CSMD1: variants seen among roughly 807,000 people sequenced by gnomAD.
CSMD1 encodes the protein CUB and Sushi multiple domains 1.
In CSMD1, 213 loss-of-function variants were observed where a neutral mutation model predicts 417.5. That is an observed-to-expected ratio of 0.51 (90% CI 0.46 to 0.57). CSMD1 has a LOEUF of 0.57. Ranked by LOEUF, CSMD1 falls within the 20% of genes least tolerant of loss-of-function variation. The pLI, the probability that CSMD1 is intolerant of heterozygous loss-of-function variation, is 0.00. For synonymous variants in CSMD1, 2,862 were observed against 1,736.8 expected (o/e 1.65, Z -16.11); for missense variants, 6,923 against 4,529.7 (o/e 1.53, Z -15.17).
At chr8:4,167,866 G>A (rs913589372) in intron 3 of CSMD1, among the ~76,000 whole-genome samples, 3 of 152,048 alleles carry the variant, frequency 2.0e-5, no homozygotes, top group African/African-American at 7.2e-5. Flanking sequence ...GATGGCTTAG[G>A]CCTGTAATCT....
chr8:3,293,320 C>T (rs948970130), intron 25 of CSMD1, among the ~76,000 whole-genome samples: 5 of 152,020 alleles, frequency 3.3e-5, no homozygotes, highest in East Asian at 1.9e-4. Context: ...TTGCTCTTCT[C>T]GAGGAGTATC....
intron 3 of CSMD1, among the ~76,000 whole-genome samples, chr8:4,209,114 G>A (rs1042088941): frequency 1.2e-4 from 19 of 152,226 alleles, no homozygotes; most frequent in African/African-American, 3.4e-4. Flanking sequence ...GATTTACAGT[G>A]TTAACACATC....
chr8:3,727,406 T>G (rs1585141538), intron 6 of CSMD1, among the ~76,000 whole-genome samples: 1 of 152,164 alleles, frequency 6.6e-6, no homozygotes, highest in Non-Finnish European at 1.5e-5. Context: ...AGTGGATACC[T>G]CAGCTCAGAT....
intron 3 of CSMD1, among the ~76,000 whole-genome samples, chr8:4,232,012 G>A (rs1039600450): frequency 5.3e-5 from 8 of 152,216 alleles, no homozygotes; most frequent in African/African-American, 1.9e-4. Flanking sequence ...ATCGACATAG[G>A]ACGTAAGTAT....
Position 3,000,095 on chromosome 8 carries a change from C to T in CSMD1, c.8066G>A (p.Gly2689Asp), listed in dbSNP as rs897137505. Residue 2689 changes from glycine to aspartate, a missense_variant, in exon 53 of 70, where the codon GGT (glycine) becomes GAT (aspartate). Transcript: ENST00000635120. The stretch of plus-strand genomic sequence containing the variant: ...ACTGAAGCCATCTCCACTAATGTGA[C>T]CGTTCACAATCGGGTCTGGGGAACC... ...HCGSPDPIVNGHISGDGFSYR... is the reference protein window; with the variant it reads ...HCGSPDPIVNDHISGDGFSYR... The T allele has an allele frequency of 6.3e-7, 1 of 1,576,748 alleles. No individual in the cohort carries two copies. The highest frequency in any genetic ancestry group is 8.6e-7 in the Non-Finnish European group (1 of 1,161,410).
At chr8:4,027,551 C>T (rs558518197) in intron 4 of CSMD1, among the ~76,000 whole-genome samples, 2 of 152,222 alleles carry the variant, frequency 1.3e-5, no homozygotes, top group East Asian at 1.9e-4. Flanking sequence ...CCTGTGAAAA[C>T]GTGCCTTCCA....
At chr8:4,785,033 C>G (rs555538586) in intron 1 of CSMD1, among the ~76,000 whole-genome samples, 1 of 152,262 alleles carries the variant, frequency 6.6e-6, no homozygotes, top group East Asian at 1.9e-4. Context: ...GTTCTGGGCA[C>G]TGAATTATTA....
intron 2 of CSMD1, among the ~76,000 whole-genome samples, chr8:4,489,268 A>G (rs1374948218): frequency 1.3e-5 from 2 of 152,228 alleles, no homozygotes; most frequent in Non-Finnish European, 2.9e-5. Context: ...TCTAAGAATA[A>G]GCAAGGAGCT....
At chr8:3,504,248 T>G (rs1379276295) in intron 10 of CSMD1, among the ~76,000 whole-genome samples, 3 of 76,298 alleles carry the variant, frequency 3.9e-5, no homozygotes, top group African/African-American at 1.5e-4. Context: ...AACAATTTCT[T>G]TAAAAAAACA....
chr8:4,902,035 T>G (rs1055564421), intron 1 of CSMD1, among the ~76,000 whole-genome samples: 1 of 152,192 alleles, frequency 6.6e-6, no homozygotes, highest in South Asian at 2.1e-4. Context: ...GCAAACATAC[T>G]GTGGCTTTGG....
rs77652019 is a variant in CSMD1 at position 3,110,361 on chromosome 8, A to G, written c.6431-26T>C. On this transcript the variant is annotated intron_variant, in intron 42 of 69. Coordinates refer to ENST00000635120, the MANE Select transcript of CSMD1 (RefSeq NM_033225.6). ...CTGCAAAGGAAACCAAGAAAAAACA[A>G]GCGCCATACAGCTGATTTTAGAGAG... The G allele has an allele frequency of 8.3e-3, 12,936 of 1,555,548 alleles. 72 individuals are homozygous for G. The highest frequency in any genetic ancestry group is 9.9e-3 in the Non-Finnish European group (11,354 of 1,151,824).
intron 1 of CSMD1, among the ~76,000 whole-genome samples, chr8:4,839,353 C>G (rs1349081862): frequency 1.3e-5 from 2 of 152,244 alleles, no homozygotes; most frequent in Non-Finnish European, 2.9e-5. Flanking sequence ...TACAACCAAG[C>G]AAATATATTT....
chr8:4,244,110 T>A (rs1220188059), intron 3 of CSMD1, among the ~76,000 whole-genome samples: 2 of 152,140 alleles, frequency 1.3e-5, no homozygotes, highest in Admixed American at 6.6e-5. Context: ...GACTACTGGG[T>A]GCTGTGCGGA....
At chr8:3,537,702 A>G (rs1158411975) in intron 10 of CSMD1, among the ~76,000 whole-genome samples, 3 of 152,350 alleles carry the variant, frequency 2.0e-5, no homozygotes, top group African/African-American at 7.2e-5. Flanking sequence ...TGCAAAAATC[A>G]TATATCACTT....
intron 52 of CSMD1, among the ~76,000 whole-genome samples, chr8:3,015,327 C>A (rs1808743823): frequency 6.6e-6 from 1 of 152,060 alleles, no homozygotes; most frequent in African/African-American, 2.4e-5. Context: ...GAATTTCTTG[C>A]AGAAAATCTG....
At chr8:4,649,107 C>A (rs556786693) in intron 1 of CSMD1, among the ~76,000 whole-genome samples, 3 of 152,256 alleles carry the variant, frequency 2.0e-5, no homozygotes, top group African/African-American at 7.2e-5. Flanking sequence ...CATTGATACA[C>A]CTGTCATTAT....
intron 12 of CSMD1, among the ~76,000 whole-genome samples, chr8:3,460,660 C>G (rs6981833): frequency 6.6e-6 from 1 of 151,866 alleles, no homozygotes; most frequent in Non-Finnish European, 1.5e-5. Flanking sequence ...CGGAACTGAC[C>G]GAAATTCGTG....
intron 3 of CSMD1, among the ~76,000 whole-genome samples, chr8:4,322,321 A>AC (rs1563451847): frequency 6.9e-6 from 1 of 144,898 alleles, no homozygotes; most frequent in Non-Finnish European, 1.5e-5. Flanking sequence ...TGAAGAGAGT[A>AC]CTTTTTTTTG....
At chr8:4,737,921 G>A (rs1810351240) in intron 1 of CSMD1, among the ~76,000 whole-genome samples, 1 of 152,280 alleles carries the variant, frequency 6.6e-6, no homozygotes, top group Non-Finnish European at 1.5e-5. Flanking sequence ...TTGTTTGAAG[G>A]AAAGGCGAGA....
Sources: gnomAD v4.1 joint callset for allele counts (sites outside exome capture counted in the v4.1 genomes callset) on GRCh38, gnomAD v4.1.1 for gene constraint, MANE v1.5 for transcripts, NCBI Gene and HGNC (gene_info 2026-07-23, HGNC 2026-07-21) for gene names.